Variants in CDC73 observed in about 807,000 individuals in gnomAD.
The protein encoded by CDC73 is parafibromin.
In CDC73, 21 loss-of-function variants were observed where a neutral mutation model predicts 83.7. That is an observed-to-expected ratio of 0.25 (90% CI 0.18 to 0.36). CDC73 has a LOEUF of 0.36. Among genes scored for constraint, CDC73 ranks in the 10% least tolerant of loss-of-function variants. CDC73 has a pLI of 1.00. For synonymous variants in CDC73, 224 were observed against 212.9 expected (o/e 1.05, Z -0.45); for missense variants, 342 against 653.3 (o/e 0.52, Z 5.19).
intron 8 of CDC73, among the ~76,000 whole-genome samples, chr1:193,149,223 G>T (rs1378273833): frequency 6.6e-6 from 1 of 152,018 alleles, no homozygotes; most frequent in East Asian, 1.9e-4. Flanking sequence ...AACCTTTTTG[G>T]CACCAGGGAC....
At chr1:193,203,038 C>G (rs1677118349) in intron 10 of CDC73, among the ~76,000 whole-genome samples, 1 of 152,058 alleles carries the variant, frequency 6.6e-6, no homozygotes. Context: ...GAAATTTACA[C>G]TTGCAACTTT....
At chr1:193,243,601 T>G (rs1476189640) in intron 15 of CDC73, among the ~76,000 whole-genome samples, 1 of 152,170 alleles carries the variant, frequency 6.6e-6, no homozygotes, top group African/African-American at 2.4e-5. Context: ...TTGAACAAGT[T>G]AGAAAAGCAA....
chr1:193,153,541 A>G (rs530658519), intron 10 of CDC73, among the ~76,000 whole-genome samples: 5 of 152,204 alleles, frequency 3.3e-5, no homozygotes, highest in Non-Finnish European at 7.3e-5. Context: ...CAGAATTAAC[A>G]TATAACTTTA....
At chr1:193,163,058 G>A (rs1383716676) in intron 10 of CDC73, among the ~76,000 whole-genome samples, 1 of 151,972 alleles carries the variant, frequency 6.6e-6, no homozygotes, top group Non-Finnish European at 1.5e-5. Flanking sequence ...AATATCCTTA[G>A]GAATTACTGA....
chr1:193,134,036 C>A (rs1462281094), intron 3 of CDC73, among the ~76,000 whole-genome samples: 1 of 152,098 alleles, frequency 6.6e-6, no homozygotes, highest in East Asian at 1.9e-4. Flanking sequence ...CCTACACCCC[C>A]ATTGAAGAAT....
At chr1:193,206,330 C>T (rs1056271830) in intron 11 of CDC73, among the ~76,000 whole-genome samples, 1 of 152,162 alleles carries the variant, frequency 6.6e-6, no homozygotes, top group African/African-American at 2.4e-5. Flanking sequence ...AATGCTCATC[C>T]ATGTGAACTT....
intron 7 of CDC73, among the ~76,000 whole-genome samples, chr1:193,143,413 G>A (rs1307286462): frequency 9.9e-5 from 15 of 152,004 alleles, no homozygotes; most frequent in Admixed American, 9.8e-4. Flanking sequence ...ATAAAAACAG[G>A]TGATATACCC....
At chr1:193,189,931 G>C (rs751738900) in intron 10 of CDC73, among the ~76,000 whole-genome samples, 1 of 152,174 alleles carries the variant, frequency 6.6e-6, no homozygotes, top group Non-Finnish European at 1.5e-5. Context: ...AAGATTAAAA[G>C]AGAAAGGTAG....
intron 13 of CDC73, among the ~76,000 whole-genome samples, chr1:193,232,447 TAC>T (rs754906488): frequency 2.6e-5 from 4 of 151,778 alleles, no homozygotes; most frequent in African/African-American, 4.8e-5. Flanking sequence ...TGTGTGGTGT[TAC>T]ACACACATAC....
At chr1:193,198,311 G>T (rs1248913481) in intron 10 of CDC73, among the ~76,000 whole-genome samples, 1 of 152,234 alleles carries the variant, frequency 6.6e-6, no homozygotes, top group African/African-American at 2.4e-5. Context: ...GTGATATTAA[G>T]AAGTAGGACC....
At chr1:193,190,040 A>G (rs1676891753) in intron 10 of CDC73, among the ~76,000 whole-genome samples, 1 of 152,184 alleles carries the variant, frequency 6.6e-6, no homozygotes, top group Non-Finnish European at 1.5e-5. Flanking sequence ...TGGTCTTCTT[A>G]TATTGGTCTC....
intron 10 of CDC73, among the ~76,000 whole-genome samples, chr1:193,183,305 C>G (rs1676750890): frequency 6.6e-6 from 1 of 150,996 alleles, no homozygotes; most frequent in African/African-American, 2.4e-5. Context: ...TTTCTAGTTT[C>G]TGAGATTACA....
At chr1:193,204,253 A>ATATG (rs1677145526) in intron 11 of CDC73, among the ~76,000 whole-genome samples, 5 of 123,802 alleles carry the variant, frequency 4.0e-5, no homozygotes, top group East Asian at 4.5e-4. Context: ...ATATATGTGT[A>ATATG]TGTGTGTGTG....
chr1:193,176,163 T>A (rs1180761627), intron 10 of CDC73, among the ~76,000 whole-genome samples: 1 of 152,230 alleles, frequency 6.6e-6, no homozygotes, highest in Admixed American at 6.5e-5. Flanking sequence ...TTTTGCATTG[T>A]ATCAGGCCCA....
At chr1:193,143,517 A>C (rs1359329745) in intron 7 of CDC73, among the ~76,000 whole-genome samples, 1 of 152,230 alleles carries the variant, frequency 6.6e-6, no homozygotes, top group Non-Finnish European at 1.5e-5. Flanking sequence ...CATCATTTCT[A>C]AACTTACTGA....
At chr1:193,222,260 CAGA>C (rs1213089209) in intron 13 of CDC73, among the ~76,000 whole-genome samples, 1 of 152,106 alleles carries the variant, frequency 6.6e-6, no homozygotes, top group African/African-American at 2.4e-5. Context: ...AGATTGTGCG[CAGA>C]AGGAGCTCAG....
intron 13 of CDC73, among the ~76,000 whole-genome samples, chr1:193,232,305 A>C (rs1677674796): frequency 1.3e-5 from 2 of 152,336 alleles, no homozygotes; most frequent in South Asian, 4.1e-4. Flanking sequence ...TAGCCACAAC[A>C]ACTTTTTCAT....
At chr1:193,212,226 G>A (rs1298227617) in intron 12 of CDC73, 126 bp downstream of exon 12, 3 of 877,618 alleles carry the variant, frequency 3.4e-6, no homozygotes, top group East Asian at 2.7e-5. Flanking sequence ...ATTTATTAGT[G>A]CCCAAGCCAC....
At position 193,152,772 on chromosome 1, in the gene CDC73, A is replaced by G. The variant is rs570808306; in HGVS notation, c.972+328A>G. 7.2e-5 allele frequency among the ~76,000 whole-genome samples: 11 copies of G among 151,974 alleles called. 1 individual carries two copies. The highest frequency in any genetic ancestry group is 2.4e-4 in the African/African-American group (10 of 41,486). The stretch of plus-strand genomic sequence containing the variant: ...TTTTCGCATAATATCTTTTGTTTTT[A>G]TTTTTATTTATTTATTTATTTTTTT... On this transcript the variant is annotated intron_variant, in intron 10 of 16. Transcript: ENST00000367435.
Sources: allele counts gnomAD v4.1 joint callset (sites outside exome capture counted in the v4.1 genomes callset), GRCh38; gene constraint gnomAD v4.1.1; transcripts MANE v1.5; gene names NCBI Gene and HGNC (gene_info 2026-07-23, HGNC 2026-07-21).